TRIM44: variants seen among roughly 807,000 people sequenced by gnomAD.
TRIM44 encodes the protein tripartite motif-containing protein 44.
In TRIM44, 13 loss-of-function variants were observed where a neutral mutation model predicts 37.4. The observed-to-expected ratio is 0.35, with a 90% CI of 0.23 to 0.55. TRIM44 has a LOEUF of 0.55. TRIM44 is among the 20% of genes least tolerant of loss of function. The pLI is 0.89. For missense variants in TRIM44, 426 were observed against 437.2 expected, an observed-to-expected ratio of 0.97 and a Z score of 0.23; for synonymous variants, 175 against 157.2, an observed-to-expected ratio of 1.11 and a Z score of -0.85.
At chr11:35,758,106 G>A (rs1306070717) in intron 4 of TRIM44, among the ~76,000 whole-genome samples, 1 of 152,128 alleles carries the variant, frequency 6.6e-6, no homozygotes, top group Non-Finnish European at 1.5e-5. Flanking sequence ...GGGTGTTAAA[G>A]TCTCCCATTA....
intron 4 of TRIM44, among the ~76,000 whole-genome samples, chr11:35,782,692 C>CCCA (rs1374617342): frequency 6.6e-6 from 1 of 152,014 alleles, no homozygotes; most frequent in Admixed American, 6.6e-5. Context: ...CAAGGAGCAC[C>CCCA]CCACCACCAC....
At chr11:35,801,724 G>GA (rs1254684291) in intron 4 of TRIM44, among the ~76,000 whole-genome samples, 1 of 152,144 alleles carries the variant, frequency 6.6e-6, no homozygotes, top group Non-Finnish European at 1.5e-5. Flanking sequence ...CCAACTCAGA[G>GA]AAGGGATACA....
chr11:35,699,830 G>C (rs1253646067), intron 2 of TRIM44, among the ~76,000 whole-genome samples: 1 of 152,000 alleles, frequency 6.6e-6, no homozygotes, highest in Non-Finnish European at 1.5e-5. Context: ...GCCAAATCAT[G>C]AGTGAACTCC....
intron 4 of TRIM44, among the ~76,000 whole-genome samples, chr11:35,740,555 C>G (rs2135524008): frequency 6.6e-6 from 1 of 152,246 alleles, no homozygotes; most frequent in African/African-American, 2.4e-5. Flanking sequence ...AGGCAAAAAG[C>G]TCCTGCTGAG....
intron 2 of TRIM44, among the ~76,000 whole-genome samples, chr11:35,702,246 C>T (rs1216346420): frequency 3.3e-5 from 5 of 152,186 alleles, no homozygotes; most frequent in Non-Finnish European, 7.4e-5. Flanking sequence ...CTTTACTTCC[C>T]ATGAGACCCT....
chr11:35,756,859 C>G (rs996395733), intron 4 of TRIM44, among the ~76,000 whole-genome samples: 5 of 152,144 alleles, frequency 3.3e-5, no homozygotes, highest in African/African-American at 1.2e-4. Context: ...ATGAAGCCCA[C>G]TTGATCATGG....
At chr11:35,699,091 T>G (rs1216287341) in intron 2 of TRIM44, among the ~76,000 whole-genome samples, 1 of 147,954 alleles carries the variant, frequency 6.8e-6, no homozygotes, top group East Asian at 2.0e-4. Flanking sequence ...GATCAGATAG[T>G]TGTAGATTAG....
At chr11:35,781,830 C>T (rs1344413849) in intron 4 of TRIM44, among the ~76,000 whole-genome samples, 1 of 152,176 alleles carries the variant, frequency 6.6e-6, no homozygotes, top group African/African-American at 2.4e-5. Context: ...AAGTCACTGC[C>T]TAGACCTATG....
intron 4 of TRIM44, among the ~76,000 whole-genome samples, chr11:35,758,095 G>A (rs1479999692): frequency 2.0e-5 from 3 of 152,142 alleles, no homozygotes; most frequent in Admixed American, 6.5e-5. Context: ...TGTTGACAGT[G>A]GGGTGTTAAA....
Position 35,706,009 on chromosome 11 carries a change from T to C in TRIM44, c.748-19915T>C, listed in dbSNP as rs1295341956. On this transcript the variant is annotated intron_variant, in intron 2 of 4. Coordinates refer to ENST00000299413, the MANE Select transcript of TRIM44 (RefSeq NM_017583.6). ...GAAGGGATCAACAAAATTGATAGAC[T>C]GCTAGCAAGACTAATAAAGAAGAAA... Among the ~76,000 whole-genome samples the C allele has an allele frequency of 1.0e-4, 15 of 148,496 alleles. 3 individuals carry two copies. The highest frequency in any genetic ancestry group is 5.4e-4 in the Admixed American group (8 of 14,806).
At chr11:35,745,937 AT>A (rs1205953429) in intron 4 of TRIM44, among the ~76,000 whole-genome samples, 1 of 152,134 alleles carries the variant, frequency 6.6e-6, no homozygotes, top group Non-Finnish European at 1.5e-5. Flanking sequence ...CATCAACATT[AT>A]AAAAAAAAAA....
intron 4 of TRIM44, among the ~76,000 whole-genome samples, chr11:35,793,249 G>T (rs995112867): frequency 2.0e-5 from 3 of 152,058 alleles, no homozygotes; most frequent in Non-Finnish European, 4.4e-5. Flanking sequence ...TTGGGGCCAG[G>T]CATAATGGCT....
At chr11:35,716,867 T>C (rs1469180907) in intron 2 of TRIM44, among the ~76,000 whole-genome samples, 3 of 152,202 alleles carry the variant, frequency 2.0e-5, no homozygotes, top group Non-Finnish European at 2.9e-5. Context: ...GCAGGTTTCT[T>C]ACCTCCCTTC....
At chr11:35,777,808 T>C (rs1590593754) in intron 4 of TRIM44, among the ~76,000 whole-genome samples, 1 of 152,168 alleles carries the variant, frequency 6.6e-6, no homozygotes, top group East Asian at 1.9e-4. Flanking sequence ...GCTTGTAGGG[T>C]TTCTGCCCAG....
At chr11:35,790,525 T>C (rs1347855538) in intron 4 of TRIM44, among the ~76,000 whole-genome samples, 1 of 152,172 alleles carries the variant, frequency 6.6e-6, no homozygotes, top group Admixed American at 6.6e-5. Context: ...CTTCAGTTCC[T>C]CTCTTGTCTC....
intron 4 of TRIM44, among the ~76,000 whole-genome samples, chr11:35,741,398 AAG>A (rs1852395453): frequency 6.6e-6 from 1 of 152,212 alleles, no homozygotes. Context: ...ATTTGCCCGT[AAG>A]AGTCACAACT....
At chr11:35,669,198 C>T (rs1044849132) in intron 1 of TRIM44, among the ~76,000 whole-genome samples, 2 of 152,182 alleles carry the variant, frequency 1.3e-5, no homozygotes, top group African/African-American at 4.8e-5. Context: ...TTTGATTCTG[C>T]TAAGGCCTGA....
intron 2 of TRIM44, among the ~76,000 whole-genome samples, chr11:35,686,306 T>G (rs1279257217): frequency 4.6e-5 from 7 of 151,996 alleles, no homozygotes. Context: ...GAATCAAAGT[T>G]TCTCACAATT....
intron 3 of TRIM44, among the ~76,000 whole-genome samples, chr11:35,726,856 G>T (rs1165832583): frequency 6.7e-6 from 1 of 148,192 alleles, no homozygotes; most frequent in Non-Finnish European, 1.5e-5. Flanking sequence ...ATTTAAGGTA[G>T]CCATTAAAAA....
Sources: allele counts gnomAD v4.1 joint callset (sites outside exome capture counted in the v4.1 genomes callset), GRCh38; gene constraint gnomAD v4.1.1; transcripts MANE v1.5; gene names NCBI Gene and HGNC (gene_info 2026-07-23, HGNC 2026-07-21).